RALYL: variants seen among roughly 807,000 people sequenced by gnomAD.
The protein encoded by RALYL is RNA-binding Raly-like protein.
Under a neutral mutation model 35.1 loss-of-function variants are expected in RALYL, and 29 were observed. That is an observed-to-expected ratio of 0.83 (90% CI 0.61 to 1.13). The LOEUF is 1.13. Ranked by LOEUF, RALYL falls within the 50% of genes most tolerant of loss-of-function variation. The pLI is 0.00. For missense variants in RALYL, 359 were observed against 360.4 expected (o/e 1.00, Z 0.03); for synonymous variants, 120 against 127.6 (o/e 0.94, Z 0.40).
At chr8:84,551,086 A>T (rs2060689710) in intron 2 of RALYL, among the ~76,000 whole-genome samples, 1 of 152,056 alleles carries the variant, frequency 6.6e-6, no homozygotes, top group Non-Finnish European at 1.5e-5. Flanking sequence ...TTTTCCACTG[A>T]ATAACTCTAG....
chr8:84,915,248 A>G (rs137911323), intron 8 of RALYL, among the ~76,000 whole-genome samples: 1 of 152,132 alleles, frequency 6.6e-6, no homozygotes, highest in Non-Finnish European at 1.5e-5. Flanking sequence ...TGCATAGTCT[A>G]TCTGGAGGGA....
At chr8:84,395,532 G>A (rs1042850656) in intron 1 of RALYL, among the ~76,000 whole-genome samples, 11 of 151,708 alleles carry the variant, frequency 7.3e-5, no homozygotes, top group South Asian at 2.1e-4. Flanking sequence ...GATGTAATCC[G>A]CCATCAGCAC....
chr8:84,355,155 A>T (rs1296435155), intron 1 of RALYL, among the ~76,000 whole-genome samples: 1 of 150,494 alleles, frequency 6.6e-6, no homozygotes, highest in African/African-American at 2.5e-5. Context: ...TGATATATCT[A>T]GAATCATACC....
At chr8:84,245,658 G>C (rs1828930007) in intron 1 of RALYL, among the ~76,000 whole-genome samples, 1 of 152,098 alleles carries the variant, frequency 6.6e-6, no homozygotes, top group Non-Finnish European at 1.5e-5. Flanking sequence ...GTTTTGGATA[G>C]CATATATTCA....
At chr8:84,427,242 A>G (rs2046592967) in intron 1 of RALYL, among the ~76,000 whole-genome samples, 1 of 152,152 alleles carries the variant, frequency 6.6e-6, no homozygotes. Context: ...CAGCTATGGC[A>G]ATAGCTTCCC....
intron 2 of RALYL, among the ~76,000 whole-genome samples, chr8:84,576,962 G>T (rs529274679): frequency 6.6e-6 from 1 of 152,312 alleles, no homozygotes; most frequent in South Asian, 2.1e-4. Context: ...AGTTTACAGT[G>T]CCTATCTCTC....
At chr8:84,316,981 A>C (rs530970533) in intron 1 of RALYL, among the ~76,000 whole-genome samples, 1 of 152,116 alleles carries the variant, frequency 6.6e-6, no homozygotes, top group Non-Finnish European at 1.5e-5. Flanking sequence ...TCATTTAATT[A>C]GGTTAGGTAT....
intron 1 of RALYL, among the ~76,000 whole-genome samples, chr8:84,377,097 T>C (rs945423871): frequency 6.6e-6 from 1 of 151,894 alleles, no homozygotes; most frequent in South Asian, 2.1e-4. Context: ...ACAGATATAT[T>C]TTCTAAATCC....
rs1554650721 is a variant in RALYL at position 84,913,040 on chromosome 8, GTAGATAGA to G, written c.859-7811_859-7804del. On this transcript the variant is annotated intron_variant, in intron 8 of 8. Transcript: ENST00000521268. ...GATGGATGGATGGATGGATAGGTAG[GTAGATAGA>G]TAGATAGATAGATAGATAGATAGAT... Among the ~76,000 whole-genome samples the G allele has an allele frequency of 3.2e-3, 412 of 130,140 alleles. 1 individual carries two copies. The highest frequency in any genetic ancestry group is 9.7e-3 in the South Asian group (39 of 4,002). 85.4% of individuals were successfully genotyped at this position (130,140 alleles called of 152,430 possible).
At chr8:84,608,774 T>C (rs1213613487) in intron 2 of RALYL, among the ~76,000 whole-genome samples, 4 of 152,128 alleles carry the variant, frequency 2.6e-5, no homozygotes, top group Non-Finnish European at 4.4e-5. Context: ...TTGATGACCC[T>C]GATTTAGGAC....
chr8:84,401,414 G>C (rs2042878947), intron 1 of RALYL, among the ~76,000 whole-genome samples: 1 of 151,784 alleles, frequency 6.6e-6, no homozygotes, highest in Non-Finnish European at 1.5e-5. Context: ...GAGGCGGGCG[G>C]ATCACGAGGT....
intron 1 of RALYL, among the ~76,000 whole-genome samples, chr8:84,412,839 T>A (rs2044234465): frequency 6.6e-6 from 1 of 151,892 alleles, no homozygotes; most frequent in Non-Finnish European, 1.5e-5. Flanking sequence ...AGTAGAGACA[T>A]ATAGTTTAAA....
chr8:84,584,194 A>G (rs1811465810), intron 2 of RALYL, among the ~76,000 whole-genome samples: 1 of 152,218 alleles, frequency 6.6e-6, no homozygotes. Context: ...ACTAGTGGAC[A>G]TATTTTAATT....
At chr8:84,236,765 A>G (rs1826664591) in intron 1 of RALYL, among the ~76,000 whole-genome samples, 1 of 152,184 alleles carries the variant, frequency 6.6e-6, no homozygotes, top group Non-Finnish European at 1.5e-5. Context: ...CAAAAAATGA[A>G]GTGACACCTA....
chr8:84,886,781 A>G (rs1842972869), intron 7 of RALYL, among the ~76,000 whole-genome samples: 1 of 152,182 alleles, frequency 6.6e-6, no homozygotes, highest in Non-Finnish European at 1.5e-5. Flanking sequence ...AATTCTAGTA[A>G]TGTGGAGTGT....
intron 1 of RALYL, among the ~76,000 whole-genome samples, chr8:84,368,391 G>A (rs1854972662): frequency 6.6e-6 from 1 of 152,214 alleles, no homozygotes; most frequent in South Asian, 2.1e-4. Context: ...TTAGACATAT[G>A]TTTTGGAATT....
intron 2 of RALYL, among the ~76,000 whole-genome samples, chr8:84,761,770 A>G (rs1479191411): frequency 6.6e-6 from 1 of 152,192 alleles, no homozygotes; most frequent in African/African-American, 2.4e-5. Context: ...ATTTTTGAGC[A>G]AAACAGGCAA....
At chr8:84,287,901 ACAAT>A (rs1354444909) in intron 1 of RALYL, among the ~76,000 whole-genome samples, 1 of 152,140 alleles carries the variant, frequency 6.6e-6, no homozygotes, top group Non-Finnish European at 1.5e-5. Context: ...TGAAGAACAA[ACAAT>A]CCTCATTTGT....
rs116122340 is a variant in RALYL at position 84,614,065 on chromosome 8, G to C, written c.256+84488G>C. 9.5e-3 allele frequency among the ~76,000 whole-genome samples: 1,433 copies of C among 151,182 alleles called. 50 individuals carry two copies. Among genetic ancestry groups the C allele is most frequent in the African/African-American group, 0.033 (1,354 of 40,888 alleles). ...TTGTTAGGCCTTAGCGTCCTCATCTGTAAAATGGGATCCACTAATAGTACC... is the reference window on the plus strand; with the variant it reads ...TTGTTAGGCCTTAGCGTCCTCATCTCTAAAATGGGATCCACTAATAGTACC... On this transcript the variant is annotated intron_variant, in intron 2 of 8. Transcript: ENST00000521268.
Sources: allele counts gnomAD v4.1 joint callset (sites outside exome capture counted in the v4.1 genomes callset), GRCh38; gene constraint gnomAD v4.1.1; transcripts MANE v1.5; gene names NCBI Gene and HGNC (gene_info 2026-07-23, HGNC 2026-07-21).